ETS1: variants seen among roughly 807,000 people sequenced by gnomAD.
The protein encoded by ETS1 is protein C-ets-1.
Under a neutral mutation model 58.6 loss-of-function variants are expected in ETS1, and 15 were observed. The observed-to-expected ratio is 0.26, with a 90% CI of 0.17 to 0.39. The LOEUF (loss-of-function observed/expected upper bound fraction) is 0.39, where lower values mean the gene tolerates loss of function less well. Among genes scored for constraint, ETS1 ranks in the 10% least tolerant of loss-of-function variants. The pLI is 1.00. For missense variants in ETS1, 417 were observed against 610.5 expected (o/e 0.68, Z 3.34); for synonymous variants, 214 against 218.2 (o/e 0.98, Z 0.17).
chr11:128,502,031 G>C (rs1863104346), intron 3 of ETS1, among the ~76,000 whole-genome samples: 1 of 152,204 alleles, frequency 6.6e-6, no homozygotes, highest in African/African-American at 2.4e-5. Context: ...GAGAGAAAGA[G>C]AGCTGCAGCC....
chr11:128,576,948 C>T (rs1284355825), intron 1 of ETS1, among the ~76,000 whole-genome samples: 2 of 152,168 alleles, frequency 1.3e-5, no homozygotes, highest in African/African-American at 4.8e-5. Flanking sequence ...GTTAGCGGCT[C>T]CTTGTTTATG....
At chr11:128,533,534 A>G (rs1440683212) in intron 3 of ETS1, among the ~76,000 whole-genome samples, 1 of 152,172 alleles carries the variant, frequency 6.6e-6, no homozygotes, top group Admixed American at 6.5e-5. Context: ...CTGCTCTCTG[A>G]CAATCCTGGA....
chr11:128,523,169 G>A (rs1469331605), intron 3 of ETS1, among the ~76,000 whole-genome samples: 1 of 152,036 alleles, frequency 6.6e-6, no homozygotes, highest in Non-Finnish European at 1.5e-5. Flanking sequence ...ACCCTCCCAC[G>A]ACCGCCACCA....
At chr11:128,497,614 G>A in intron 3 of ETS1, 1 of 984,042 alleles carries the variant, frequency 1.0e-6, no homozygotes, top group Non-Finnish European at 1.2e-6. Context: ...ACCATTACAT[G>A]GTAGGGAAGC....
At chr11:128,552,993 G>C (rs1864255857) in intron 3 of ETS1, among the ~76,000 whole-genome samples, 1 of 151,684 alleles carries the variant, frequency 6.6e-6, no homozygotes, top group Non-Finnish European at 1.5e-5. Context: ...GGACAGAATA[G>C]AGGAAGGGAG....
At chr11:128,538,177 AT>A (rs1863998483) in intron 3 of ETS1, among the ~76,000 whole-genome samples, 1 of 152,184 alleles carries the variant, frequency 6.6e-6, no homozygotes, top group Admixed American at 6.5e-5. Context: ...ATTAAATGAG[AT>A]TTAAACAACT....
At chr11:128,548,297 TGCCTG>T (rs1419301609) in intron 3 of ETS1, among the ~76,000 whole-genome samples, 1 of 151,838 alleles carries the variant, frequency 6.6e-6, no homozygotes, top group Non-Finnish European at 1.5e-5. Flanking sequence ...CTCCACGCCA[TGCCTG>T]GTGCTTTGCC....
rs1223672520 is a variant in ETS1 at position 128,459,564 on chromosome 11, A to C, written c.*2797T>G. 2 of 152,820 alleles carry C rather than the reference A, an allele frequency of 1.3e-5. No homozygotes were observed. The highest frequency in any genetic ancestry group is 6.5e-5 in the Admixed American group (1 of 15,290). The allele number at this position is 152,820 out of a possible 1,614,324, so 9.5% of individuals were successfully genotyped here. On this transcript the variant is annotated 3_prime_UTR_variant, in exon 10 of 10. Coordinates refer to ENST00000392668, the MANE Select transcript of ETS1 (RefSeq NM_001143820.2). ...AGGTTAAGGCATCTCTGGGAAAATA[A>C]GGGTTTCACCCAGCTAGACCAGATT...
At chr11:128,580,698 A>G (rs1350602924) in intron 1 of ETS1, among the ~76,000 whole-genome samples, 2 of 152,192 alleles carry the variant, frequency 1.3e-5, no homozygotes, top group Non-Finnish European at 2.9e-5. Flanking sequence ...ATTATGGGCT[A>G]CTGTCTTCTG....
chr11:128,527,101 G>A (rs1244609526), intron 3 of ETS1: 10 of 369,350 alleles, frequency 2.7e-5, no homozygotes, highest in Non-Finnish European at 4.8e-5. Flanking sequence ...AGATAGATGA[G>A]CAGACTCAAT....
intron 3 of ETS1, among the ~76,000 whole-genome samples, chr11:128,547,903 C>G (rs190565741): frequency 6.6e-4 from 101 of 152,084 alleles, no homozygotes; most frequent in Non-Finnish European, 9.1e-4. Flanking sequence ...TTGGGGACAG[C>G]CAAGGTTGCC....
intron 1 of ETS1, among the ~76,000 whole-genome samples, chr11:128,581,836 A>T (rs1864876847): frequency 6.6e-6 from 1 of 152,220 alleles, no homozygotes. Context: ...GGAATTCTCA[A>T]CAAAACTGAG....
Position 128,556,350 on chromosome 11 carries a change from G to A in ETS1, c.155C>T (p.Pro52Leu), listed in dbSNP as rs777454068. Residue 52 changes from proline (P) to leucine (L), a missense_variant, in exon 3 of 10, where the codon CCC (proline) becomes CTC (leucine). Physicochemically the swap from Pro to Leu is moderately conservative, Grantham distance 98. Around this residue, in one of 4 missense-constraint regions of ETS1, gnomAD observed 90 missense variants for 90.3 expected, o/e 1.00. Coordinates refer to ENST00000392668, the MANE Select transcript of ETS1 (RefSeq NM_001143820.2). Reference protein sequence around the residue: ...SNYHQQRPCYPFWDEMATQEV... With the variant: ...SNYHQQRPCYLFWDEMATQEV... Reference sequence around the variant, plus strand: ...CTGAGTTGCCATCTCATCCCAAAAGGGGTAGCAAGGTCTTTGCTGGTGATA... The same window carrying A: ...CTGAGTTGCCATCTCATCCCAAAAGAGGTAGCAAGGTCTTTGCTGGTGATA... The A allele has an allele frequency of 9.9e-6, 16 of 1,613,258 alleles. No individual in the cohort carries two copies. In the African/African-American group the frequency reaches 1.7e-4, roughly 18 times the overall value.
intron 3 of ETS1, among the ~76,000 whole-genome samples, chr11:128,503,323 G>T (rs1031255155): frequency 2.0e-5 from 3 of 152,106 alleles, no homozygotes; most frequent in African/African-American, 7.2e-5. Context: ...TACTGCTAGG[G>T]CCAACGAACC....
Position 128,461,780 on chromosome 11 carries a change from T to G in ETS1, c.*581A>C, listed in dbSNP as rs1344785333. 1 of 152,862 alleles carries G rather than the reference T, an allele frequency of 6.5e-6. No homozygotes were observed. The highest frequency in any genetic ancestry group is 2.4e-5 in the African/African-American group (1 of 41,416). 9.5% of individuals were successfully genotyped at this position (152,862 alleles called of 1,614,324 possible). ...AAGAAAAAAAATACTGGCACAAAAT[T>G]TAATAAAATAAATTTTAACACAACA... On this transcript the variant is annotated 3_prime_UTR_variant, in exon 10 of 10. Coordinates refer to ENST00000392668, the MANE Select transcript of ETS1 (RefSeq NM_001143820.2).
At chr11:128,577,889 G>A (rs1864782866) in intron 1 of ETS1, among the ~76,000 whole-genome samples, 1 of 149,144 alleles carries the variant, frequency 6.7e-6, no homozygotes, top group South Asian at 2.1e-4. Flanking sequence ...TGTCACGTGG[G>A]AGGGAATTCT....
chr11:128,474,426 A>G (rs545368523), intron 8 of ETS1, among the ~76,000 whole-genome samples: 39 of 152,360 alleles, frequency 2.6e-4, no homozygotes, highest in African/African-American at 8.4e-4. Flanking sequence ...GAATCTTTTT[A>G]CCATGTGATC....
At chr11:128,546,922 C>G (rs529894757) in intron 3 of ETS1, among the ~76,000 whole-genome samples, 1 of 152,292 alleles carries the variant, frequency 6.6e-6, no homozygotes, top group African/African-American at 2.4e-5. Flanking sequence ...CTGAAGCTCC[C>G]CATCCCTACC....
At chr11:128,525,981 C>T (rs1863793336) in intron 3 of ETS1, among the ~76,000 whole-genome samples, 2 of 152,192 alleles carry the variant, frequency 1.3e-5, no homozygotes, top group African/African-American at 4.8e-5. Flanking sequence ...TGACTGCAGG[C>T]TGGCTCTGTG....
Sources: allele counts gnomAD v4.1 joint callset (sites outside exome capture counted in the v4.1 genomes callset), GRCh38; gene constraint gnomAD v4.1.1; regional missense constraint gnomAD v4.1.1; transcripts MANE v1.5; gene names NCBI Gene and HGNC (gene_info 2026-07-23, HGNC 2026-07-21).